MAP3K13: variants seen among roughly 807,000 people sequenced by gnomAD.
MAP3K13 encodes mitogen-activated protein kinase kinase kinase 13.
In MAP3K13, 52 loss-of-function variants were observed where a neutral mutation model predicts 104.0. That is an observed-to-expected ratio of 0.50 (90% CI 0.40 to 0.63). The LOEUF (loss-of-function observed/expected upper bound fraction) is 0.63, where lower values mean the gene tolerates loss of function less well. Ranked by LOEUF, MAP3K13 falls within the 20% of genes least tolerant of loss-of-function variation. The pLI, the probability that MAP3K13 is intolerant of heterozygous loss-of-function variation, is 0.00. For synonymous variants in MAP3K13, 394 were observed against 442.2 expected (o/e 0.89, Z 1.37); for missense variants, 914 against 1,218.5 (o/e 0.75, Z 3.72).
chr3:185,388,204 T>C (rs930703915), intron 1 of MAP3K13, among the ~76,000 whole-genome samples: 5 of 151,478 alleles, frequency 3.3e-5, no homozygotes, highest in South Asian at 2.1e-4. Flanking sequence ...AAAACACTTA[T>C]AAAAGAAATT....
chr3:185,410,566 A>C (rs1022245882), intron 1 of MAP3K13, among the ~76,000 whole-genome samples: 1 of 152,230 alleles, frequency 6.6e-6, no homozygotes, highest in Admixed American at 6.5e-5. Context: ...CAATCTGCTC[A>C]CTATGTATTG....
In MAP3K13 at chr3:185,396,283, T is replaced by C. The variant is rs551264502; in HGVS notation, c.-85-32214T>C. ...CTAGTCAGGAGGCTAAGCAGGAGAA[T>C]TGCATGAACCCGGGAGGCGGGGGTT... On this transcript the variant is annotated intron_variant, in intron 1 of 13. Transcript: ENST00000265026. 3.3e-5 allele frequency among the ~76,000 whole-genome samples: 5 copies of C among 152,138 alleles called. No individual in the cohort carries two copies. The East Asian group carries it at 5.8e-4, about 18-fold the overall frequency.
chr3:185,367,629 C>A (rs1723951209), intron 1 of MAP3K13, among the ~76,000 whole-genome samples: 1 of 151,812 alleles, frequency 6.6e-6, no homozygotes, highest in African/African-American at 2.4e-5. Context: ...CAAGGTCTCC[C>A]TCTGTTACCC....
chr3:185,357,050 G>A (rs1723386020), intron 2 of MAP3K13, among the ~76,000 whole-genome samples: 1 of 152,094 alleles, frequency 6.6e-6, no homozygotes, highest in African/African-American at 2.4e-5. Context: ...GCTAAAGAAG[G>A]GGAGAAATTA....
chr3:185,440,925 T>G (rs1715287981), intron 3 of MAP3K13, among the ~76,000 whole-genome samples: 1 of 152,214 alleles, frequency 6.6e-6, no homozygotes, highest in South Asian at 2.1e-4. Flanking sequence ...CTTCTCATCT[T>G]GAGAACAAAA....
chr3:185,430,208 A>T (rs1203835371), intron 2 of MAP3K13, among the ~76,000 whole-genome samples: 1 of 152,190 alleles, frequency 6.6e-6, no homozygotes, highest in Non-Finnish European at 1.5e-5. Flanking sequence ...AAAAAAAAAA[A>T]TTAAGTTTTT....
chr3:185,379,214 G>A (rs549499519), intron 1 of MAP3K13, among the ~76,000 whole-genome samples: 9 of 152,306 alleles, frequency 5.9e-5, no homozygotes, highest in South Asian at 2.1e-4. Flanking sequence ...GAACGTGGGC[G>A]AATAATCAGA....
rs77962106 is a variant in MAP3K13 at position 185,296,101 on chromosome 3, G to A, written c.-86+10458G>A. Among the ~76,000 whole-genome samples the A allele has an allele frequency of 7.2e-3, 1,103 of 152,148 alleles. 17 individuals are homozygous for A. Among genetic ancestry groups the A allele is most frequent in the African/African-American group, 0.025 (1,045 of 41,496 alleles). ...AATAAAAATAATTTAAAAATGAGCC[G>A]GGCATTGTGGCACACACCTGTAGTC... On this transcript the variant is annotated intron_variant, in intron 2 of 14. Coordinates refer to the MAP3K13 transcript ENST00000424227.
chr3:185,298,050 C>T (rs565201820), intron 2 of MAP3K13, among the ~76,000 whole-genome samples: 10 of 151,710 alleles, frequency 6.6e-5, no homozygotes, highest in Admixed American at 3.9e-4. Context: ...AACGTGGCGA[C>T]GGACTACAGG....
chr3:185,449,816 A>T, intron 5 of MAP3K13, 84 bp from the exon 6 acceptor site: 1 of 1,237,282 alleles, frequency 8.1e-7, no homozygotes, highest in South Asian at 1.7e-5. Flanking sequence ...TATATGTACT[A>T]ATTTGATTTC....
chr3:185,485,170 A>G lies in MAP3K13; in HGVS notation c.*2714A>G, dbSNP rs984746436. On this transcript the variant is annotated 3_prime_UTR_variant, in exon 14 of 14. Coordinates refer to ENST00000265026, the MANE Select transcript of MAP3K13 (RefSeq NM_004721.5). ...ATTCATGGGACTATATTAGAAATAA[A>G]AAGAGAATGATTTAATGTCCTGAGA... is the stretch of plus-strand genomic sequence containing the variant. 9.2e-5 allele frequency: 14 copies of G among 152,224 alleles called. No individual in the cohort carries two copies. Among genetic ancestry groups the G allele is most frequent in the African/African-American group, 3.1e-4 (13 of 41,466 alleles). The allele number at this position is 152,224 out of a possible 1,614,324, so 9.4% of individuals were successfully genotyped here.
intron 2 of MAP3K13, among the ~76,000 whole-genome samples, chr3:185,298,012 A>G (rs560914493): frequency 3.3e-5 from 5 of 150,196 alleles, no homozygotes; most frequent in Admixed American, 6.7e-5. Context: ...AATTATTGCC[A>G]TGTCTGCAGG....
At chr3:185,426,270 T>TG (rs1353897156) in intron 1 of MAP3K13, among the ~76,000 whole-genome samples, 1 of 152,156 alleles carries the variant, frequency 6.6e-6, no homozygotes. Flanking sequence ...TTAGTAGAGA[T>TG]GGGGTTTCAC....
chr3:185,406,025 G>T (rs1713095536), intron 1 of MAP3K13, among the ~76,000 whole-genome samples: 1 of 152,190 alleles, frequency 6.6e-6, no homozygotes, highest in Non-Finnish European at 1.5e-5. Context: ...TTGTAAGAGA[G>T]AAATAATAAA....
At chr3:185,448,155 C>A (rs1715694322) in intron 5 of MAP3K13, 1 of 710,214 alleles carries the variant, frequency 1.4e-6, no homozygotes, top group Non-Finnish European at 2.6e-6. Context: ...GCTATCTACT[C>A]AGTAAGTCAC....
intron 7 of MAP3K13, among the ~76,000 whole-genome samples, chr3:185,455,586 T>TATATGTGACATATATATCATATATATG (rs1716563807): frequency 6.8e-5 from 1 of 14,652 alleles, no homozygotes; most frequent in East Asian, 1.7e-3. Context: ...ATATATATGA[T>TATATGTGACATATATATCATATATATG]ATATATGAGA....
At chr3:185,385,328 T>TTTGTTG (rs562304440) in intron 1 of MAP3K13, among the ~76,000 whole-genome samples, 9 of 151,948 alleles carry the variant, frequency 5.9e-5, no homozygotes, top group East Asian at 3.9e-4. Flanking sequence ...TTTTTGTATT[T>TTTGTTG]TTGTTGTTGT....
At chr3:185,441,052 A>C (rs1034918037) in intron 3 of MAP3K13, among the ~76,000 whole-genome samples, 1 of 152,226 alleles carries the variant, frequency 6.6e-6, no homozygotes, top group Non-Finnish European at 1.5e-5. Flanking sequence ...AGTATTGTAC[A>C]GAGTGGAGTG....
At chr3:185,454,941 TGAGATATATATGATATATATATGA>T (rs1716325361) in intron 7 of MAP3K13, among the ~76,000 whole-genome samples, 1 of 105,918 alleles carries the variant, frequency 9.4e-6, no homozygotes, top group Admixed American at 1.2e-4. Context: ...GATATATATA[TGAGATATATATGATATATATATGA>T]GATATATATA....
Sources: gnomAD v4.1 joint callset for allele counts (sites outside exome capture counted in the v4.1 genomes callset) on GRCh38, gnomAD v4.1.1 for gene constraint, MANE v1.5 for transcripts, NCBI Gene and HGNC (gene_info 2026-07-23, HGNC 2026-07-21) for gene names.